Variants in HFM1 observed in about 807,000 individuals in gnomAD.
HFM1 encodes helicase for meiosis 1.
HFM1 carries 169 observed loss-of-function variants against 192.1 expected under a neutral mutation model. The ratio of observed to expected loss-of-function variants is 0.88; its 90% CI spans 0.78 to 1.00. HFM1 has a LOEUF of 1.00. HFM1 is among the 50% of genes least tolerant of loss of function. The pLI, the probability that HFM1 is intolerant of heterozygous loss-of-function variation, is 0.00. For synonymous variants in HFM1, 525 were observed against 537.8 expected, an observed-to-expected ratio of 0.98 and a Z score of 0.33; for missense variants, 1,661 against 1,668.0, an observed-to-expected ratio of 1.00 and a Z score of 0.07.
chr1:91,285,281 C>G (rs1466769600), intron 30 of HFM1, among the ~76,000 whole-genome samples: 2 of 152,038 alleles, frequency 1.3e-5, no homozygotes, highest in Non-Finnish European at 1.5e-5. Flanking sequence ...TTTATATTCC[C>G]TAAGGTGCAT....
intron 21 of HFM1, among the ~76,000 whole-genome samples, chr1:91,324,218 T>C (rs1199149866): frequency 6.6e-6 from 1 of 152,212 alleles, no homozygotes; most frequent in East Asian, 1.9e-4. Context: ...TCTATTTCCA[T>C]TGTTCTCACT....
chr1:91,284,016 C>T (rs1307846673), intron 30 of HFM1, among the ~76,000 whole-genome samples: 1 of 151,800 alleles, frequency 6.6e-6, no homozygotes, highest in Non-Finnish European at 1.5e-5. Context: ...GTCTCCTTTT[C>T]ATTTTTCTGT....
rs756421054 is a variant in HFM1, at chr1:91,262,342, C to T, written c.4137G>A (p.Lys1379=). ...TTTTTTCAGAGAAAGTAAAGCATTG[C>T]TTCTCAATCTCTGGTGACAGATTTT... ...KPQNLSPEIE[K]QCFTFSEKNP... is the part of the protein sequence containing the mutation. The change falls in exon 38 of 39, where the codon AAG becomes AAA. Residue 1379 remains lysine, a synonymous_variant. Coordinates refer to ENST00000370425, the MANE Select transcript of HFM1 (RefSeq NM_001017975.6). 1 of 1,571,134 alleles carries T rather than the reference C, an allele frequency of 6.4e-7. No homozygotes were observed. The highest frequency in any genetic ancestry group is 8.6e-7 in the Non-Finnish European group (1 of 1,156,678).
chr1:91,296,389 T>G (rs557006091), intron 30 of HFM1, among the ~76,000 whole-genome samples: 7 of 152,208 alleles, frequency 4.6e-5, no homozygotes, highest in Non-Finnish European at 8.8e-5. Context: ...GTGTCTATCC[T>G]TATGCCTACA....
chr1:91,313,816 T>G lies in HFM1; in HGVS notation c.3244+141A>C, dbSNP rs111780066. On this transcript the variant is annotated intron_variant, in intron 29 of 38. Coordinates refer to ENST00000370425, the MANE Select transcript of HFM1 (RefSeq NM_001017975.6). ...ATATCTAAATACATGAAACTTCCTT[T>G]GAAGTTTATTCATATTATCTAAATA... 57 of 477,358 alleles carry G rather than the reference T, an allele frequency of 1.2e-4. 1 individual carries two copies. Among genetic ancestry groups the G allele is most frequent in the African/African-American group, 1.0e-3 (52 of 49,980 alleles). 29.6% of individuals were successfully genotyped at this position (477,358 alleles called of 1,614,324 possible). A position where few individuals can be genotyped will look rare whatever the true frequency, so the allele number is the denominator to read the frequency against.
chr1:91,362,507 A>G (rs529909527), intron 13 of HFM1, among the ~76,000 whole-genome samples: 47 of 152,314 alleles, frequency 3.1e-4, no homozygotes, highest in African/African-American at 1.1e-3. Context: ...AAACTTTTCA[A>G]GGAAAACTAC....
At chr1:91,359,230 C>T (rs1163374068) in intron 13 of HFM1, among the ~76,000 whole-genome samples, 1 of 152,092 alleles carries the variant, frequency 6.6e-6, no homozygotes, top group East Asian at 1.9e-4. Flanking sequence ...ATTTCTCCAG[C>T]TAAGAACTGG....
At chr1:91,268,193 T>G (rs1436320356) in intron 34 of HFM1, among the ~76,000 whole-genome samples, 1 of 150,988 alleles carries the variant, frequency 6.6e-6, no homozygotes. Context: ...TTTCAATACA[T>G]TTTTTAGGCA....
At chr1:91,403,817 T>C (rs1251708083) in intron 1 of HFM1, among the ~76,000 whole-genome samples, 2 of 152,206 alleles carry the variant, frequency 1.3e-5, no homozygotes, top group Non-Finnish European at 2.9e-5. Flanking sequence ...CTAGATACAA[T>C]TAATCTTTAG....
intron 15 of HFM1, 48 bp from the exon 16 acceptor site, chr1:91,352,699 C>T (rs1413644330): frequency 3.6e-6 from 5 of 1,388,514 alleles, no homozygotes; most frequent in Non-Finnish European, 4.8e-6. Context: ...AACTTTGTTG[C>T]TTCAGGAACA....
At chr1:91,363,029 A>G (rs1658729979) in intron 13 of HFM1, among the ~76,000 whole-genome samples, 1 of 152,206 alleles carries the variant, frequency 6.6e-6, no homozygotes, top group Non-Finnish European at 1.5e-5. Flanking sequence ...AATTAACTCA[A>G]GATGGATTAC....
At chr1:91,372,111 G>A (rs541975315) in intron 13 of HFM1, among the ~76,000 whole-genome samples, 18 of 152,322 alleles carry the variant, frequency 1.2e-4, no homozygotes, top group African/African-American at 4.1e-4. Flanking sequence ...AGGATGTGGA[G>A]AAATAGGAAC....
chr1:91,339,592 A>C (rs1450200113), intron 20 of HFM1, among the ~76,000 whole-genome samples: 1 of 152,174 alleles, frequency 6.6e-6, no homozygotes. Flanking sequence ...TCAGAGAAAA[A>C]TACAGAAAAA....
chr1:91,296,027 C>G (rs1315611440), intron 30 of HFM1, among the ~76,000 whole-genome samples: 1 of 152,132 alleles, frequency 6.6e-6, no homozygotes, highest in Non-Finnish European at 1.5e-5. Flanking sequence ...CTCCCAGGTT[C>G]ATGCCATTCA....
At chr1:91,366,232 C>T (rs80156341) in intron 13 of HFM1, among the ~76,000 whole-genome samples, 1,879 of 152,222 alleles carry the variant, frequency 0.012, 42 homozygotes, top group African/African-American at 0.042. Flanking sequence ...TTTCAATTCC[C>T]TACTCATATA....
At position 91,353,058 on chromosome 1, in the gene HFM1, TG is replaced by T; in HGVS notation, c.1823del (p.Pro608GlnfsTer9). On this transcript the variant is annotated frameshift_variant, in exon 15 of 39. Coordinates refer to ENST00000370425, the MANE Select transcript of HFM1 (RefSeq NM_001017975.6). LOFTEE classifies it high-confidence loss of function. ...VEGAFTVGDL[P>X]VLFTTSTLAM... ...GAAATATGTTTTACTTACAAAGAAC[TG>T]GTAAATCTCCAACAGTAAAAGCTCC... 6.3e-7 allele frequency: 1 copy of T among 1,582,668 alleles called. No individual in the cohort carries two copies. The highest frequency in any genetic ancestry group is 8.7e-7 in the Non-Finnish European group (1 of 1,153,364).
In HFM1 at chr1:91,401,187, CCA is replaced by C. The variant is rs1387686350; in HGVS notation, c.-27-80_-27-79del. On this transcript the variant is annotated intron_variant, in intron 1 of 38. Transcript: ENST00000370425. ...ATATTTCTGTATAATCACTAATTTTCCACAGTCTCCTGTAAAATATAACCACA... is the reference window on the plus strand; with the variant it reads ...ATATTTCTGTATAATCACTAATTTTCCAGTCTCCTGTAAAATATAACCACA... The C allele has an allele frequency of 6.0e-5, 40 of 666,922 alleles. 2 individuals carry two copies. Among genetic ancestry groups the C allele is most frequent in the South Asian group, 5.7e-4 (29 of 51,246 alleles). 41.3% of individuals were successfully genotyped at this position (666,922 alleles called of 1,614,324 possible).
intron 30 of HFM1, among the ~76,000 whole-genome samples, chr1:91,304,709 C>G (rs1649359869): frequency 6.6e-6 from 1 of 151,120 alleles, no homozygotes; most frequent in Non-Finnish European, 1.5e-5. Context: ...GAACTCTTGA[C>G]CTCAGGTGAT....
chr1:91,350,835 C>T lies in HFM1; in HGVS notation c.2109G>A (p.Glu703=). 1 of 1,593,332 alleles carries T rather than the reference C, an allele frequency of 6.3e-7. No individual in the cohort carries two copies. ...HRHLIEHLNA[E]IVLHTITDVN... ...CATCCGTGATGGTATGCAGTACTATCTCTGCATTTAAATGTTCAATAAGAT... is the reference window on the plus strand; with the variant it reads ...CATCCGTGATGGTATGCAGTACTATTTCTGCATTTAAATGTTCAATAAGAT... Residue 703 remains glutamate, a synonymous_variant, in exon 18 of 39, where the codon GAG becomes GAA. Transcript: ENST00000370425.
Sources: gnomAD v4.1 joint callset for allele counts (sites outside exome capture counted in the v4.1 genomes callset) on GRCh38, gnomAD v4.1.1 for gene constraint, MANE v1.5 for transcripts, NCBI Gene and HGNC (gene_info 2026-07-23, HGNC 2026-07-21) for gene names.